The following DYNLRB1 variants were observed in gnomAD, a reference collection of about 807,000 sequenced individuals.
DYNLRB1 encodes the protein dynein light chain roadblock-type 1, also known as ROBL/LC7-like 1.
DYNLRB1 carries 6 observed loss-of-function variants against 13.5 expected under a neutral mutation model. The observed-to-expected ratio is 0.44, with a 90% confidence interval of 0.24 to 0.88. The LOEUF (loss-of-function observed/expected upper bound fraction) is 0.88, where lower values mean the gene tolerates loss of function less well. DYNLRB1 is among the 40% of genes least tolerant of loss of function. The pLI, the probability that DYNLRB1 is intolerant of heterozygous loss-of-function variation, is 0.21. For missense variants in DYNLRB1, 93 were observed against 127.2 expected, an observed-to-expected ratio of 0.73 and a Z score of 1.29; for synonymous variants, 43 against 45.0, an observed-to-expected ratio of 0.96 and a Z score of 0.18.
At chr20:34,535,697 G>A in intron 3 of DYNLRB1, 1 of 985,406 alleles carries the variant, frequency 1.0e-6, no homozygotes, top group South Asian at 4.7e-5. Context: ...TCCCGCTGCA[G>A]TGCCGCTTAT....
intron 1 of DYNLRB1, among the ~76,000 whole-genome samples, chr20:34,517,647 G>A (rs1255394251): frequency 4.3e-5 from 1 of 23,526 alleles, no homozygotes; most frequent in East Asian, 1.2e-3. Flanking sequence ...TTTTTTTTTT[G>A]AGATGGAGTG....
At chr20:34,539,361 C>G (rs1981410031) in intron 3 of DYNLRB1, among the ~76,000 whole-genome samples, 1 of 152,138 alleles carries the variant, frequency 6.6e-6, no homozygotes, top group Admixed American at 6.5e-5. Flanking sequence ...TCTGGAAAGC[C>G]AACAAATTGA....
chr20:34,516,778 G>C, intron 1 of DYNLRB1: 5 of 1,550,202 alleles, frequency 3.2e-6, no homozygotes, highest in Non-Finnish European at 4.4e-6. Context: ...GTGCGCGATG[G>C]CAACCCTGGC....
chr20:34,520,601 T>C (rs1290106057), intron 1 of DYNLRB1, among the ~76,000 whole-genome samples: 2 of 151,668 alleles, frequency 1.3e-5, no homozygotes, highest in Non-Finnish European at 2.9e-5. Context: ...GTGTGCATCA[T>C]GACGCCCAGC....
intron 2 of DYNLRB1, among the ~76,000 whole-genome samples, chr20:34,532,645 G>A (rs1270593377): frequency 6.6e-6 from 1 of 152,132 alleles, no homozygotes; most frequent in African/African-American, 2.4e-5. Flanking sequence ...GGCTTTGCGG[G>A]GCCCTGCCAT....
At chr20:34,537,969 C>T (rs1199468528) in intron 3 of DYNLRB1, among the ~76,000 whole-genome samples, 1 of 148,774 alleles carries the variant, frequency 6.7e-6, no homozygotes, top group Non-Finnish European at 1.5e-5. Context: ...GGCCCAGAAC[C>T]GCCCACGTGA....
At chr20:34,532,409 A>G (rs1980780838) in intron 2 of DYNLRB1, among the ~76,000 whole-genome samples, 1 of 152,092 alleles carries the variant, frequency 6.6e-6, no homozygotes, top group South Asian at 2.1e-4. Flanking sequence ...GACCCTATTA[A>G]TCTGGTCCAT....
chr20:34,532,308 G>C (rs138339259), intron 2 of DYNLRB1, among the ~76,000 whole-genome samples: 2 of 152,212 alleles, frequency 1.3e-5, no homozygotes, highest in African/African-American at 2.4e-5. Flanking sequence ...AGATAAGGCA[G>C]TGGAAGCTCA....
chr20:34,530,621 G>GA, intron 2 of DYNLRB1: 1 of 152,370 alleles, frequency 6.6e-6, no homozygotes, highest in Admixed American at 6.5e-5. Context: ...GAGGTGTGGG[G>GA]AACCGCCCAA....
chr20:34,519,110 C>G (rs942728336), intron 1 of DYNLRB1, among the ~76,000 whole-genome samples: 1 of 151,732 alleles, frequency 6.6e-6, no homozygotes, highest in Non-Finnish European at 1.5e-5. Context: ...TTAGTAGAGA[C>G]AGGGTTTCAC....
chr20:34,532,068 A>G (rs918734499), intron 2 of DYNLRB1, among the ~76,000 whole-genome samples: 1 of 152,190 alleles, frequency 6.6e-6, no homozygotes, highest in Non-Finnish European at 1.5e-5. Context: ...CAGCCAACCC[A>G]GGGCTCTACC....
chr20:34,532,317 C>T (rs1225733070), intron 2 of DYNLRB1, among the ~76,000 whole-genome samples: 1 of 152,182 alleles, frequency 6.6e-6, no homozygotes, highest in African/African-American at 2.4e-5. Context: ...AGTGGAAGCT[C>T]AGGAGGTTTC....
chr20:34,524,252 T>C (rs560687326), intron 1 of DYNLRB1, among the ~76,000 whole-genome samples: 92 of 152,360 alleles, frequency 6.0e-4, no homozygotes, highest in African/African-American at 1.9e-3. Context: ...TTTCATGTGA[T>C]TGCAGTCACC....
rs1980364765 is a variant in DYNLRB1 at position 34,528,016 on chromosome 20, C to G, written c.79+1673C>G. On this transcript the variant is annotated intron_variant, in intron 2 of 3. Coordinates refer to ENST00000357156, the MANE Select transcript of DYNLRB1 (RefSeq NM_014183.4). ...GGGGTTTGGCCAATTTAAAAACTACCCTACTGGAGTAGCCGGCCGGGCGCG... is the reference window on the plus strand; with the variant it reads ...GGGGTTTGGCCAATTTAAAAACTACGCTACTGGAGTAGCCGGCCGGGCGCG... Among the ~76,000 whole-genome samples, 2 of 113,464 alleles carry G rather than the reference C, an allele frequency of 1.8e-5. 1 individual carries two copies. Among genetic ancestry groups the G allele is most frequent in the Non-Finnish European group, 4.0e-5 (2 of 50,398 alleles). 74.4% of individuals were successfully genotyped at this position (113,464 alleles called of 152,430 possible). A position where few individuals can be genotyped will look rare whatever the true frequency, so the allele number is the denominator to read the frequency against.
chr20:34,519,689 T>A (rs1979556754), intron 1 of DYNLRB1, among the ~76,000 whole-genome samples: 1 of 152,244 alleles, frequency 6.6e-6, no homozygotes, highest in Non-Finnish European at 1.5e-5. Flanking sequence ...GTGTATAGTT[T>A]TTTTATTCCA....
intron 3 of DYNLRB1, among the ~76,000 whole-genome samples, chr20:34,538,677 GT>G (rs1194375844): frequency 1.3e-5 from 2 of 152,240 alleles, no homozygotes; most frequent in Admixed American, 6.5e-5. Context: ...TGATTTTTAT[GT>G]ATGCAGATTG....
At chr20:34,524,694 A>G (rs1338068939) in intron 1 of DYNLRB1, among the ~76,000 whole-genome samples, 1 of 150,134 alleles carries the variant, frequency 6.7e-6, no homozygotes, top group East Asian at 1.9e-4. Flanking sequence ...CAGGCTCCAG[A>G]TCTTAGAGGC....
chr20:34,540,749 G>A lies in DYNLRB1; in HGVS notation c.*125G>A, dbSNP rs544391388. 55 of 976,382 alleles carry A rather than the reference G, an allele frequency of 5.6e-5. No homozygotes were observed. Among genetic ancestry groups the A allele is most frequent in the Middle Eastern group, 2.1e-4 (1 of 4,682 alleles). The allele number at this position is 976,382 out of a possible 1,614,324, so 60.5% of individuals were successfully genotyped here. On this transcript the variant is annotated 3_prime_UTR_variant, in exon 4 of 4. Coordinates refer to ENST00000357156, the MANE Select transcript of DYNLRB1 (RefSeq NM_014183.4). ...ACCCACTCACACCAATCCAGTGACC[G>A]TGTGTGGGCTGGCGGCTCTTCTCCC...
At chr20:34,531,636 A>G (rs2146641389) in intron 2 of DYNLRB1, among the ~76,000 whole-genome samples, 1 of 152,316 alleles carries the variant, frequency 6.6e-6, no homozygotes, top group South Asian at 2.1e-4. Context: ...CCCTTTGACC[A>G]CTCACTTACC....
Sources: gnomAD v4.1 joint callset for allele counts (sites outside exome capture counted in the v4.1 genomes callset) on GRCh38, gnomAD v4.1.1 for gene constraint, MANE v1.5 for transcripts, NCBI Gene and HGNC (gene_info 2026-07-23, HGNC 2026-07-21) for gene names.